The following ARL14 variants were observed in gnomAD, a reference collection of about 807,000 sequenced individuals.
ARL14 encodes ADP-ribosylation factor-like protein 14.
A neutral mutation model predicts 1.1 loss-of-function variants in ARL14; 3 were observed. That is an observed-to-expected ratio of 2.82 (90% CI 1.28 to 7.28). The LOEUF is 7.28. Among genes scored for constraint, ARL14 ranks in the 30% most tolerant of loss-of-function variants. The pLI, the probability that ARL14 is intolerant of heterozygous loss-of-function variation, is 0.01. For missense variants in ARL14, 264 were observed against 223.8 expected, an observed-to-expected ratio of 1.18 and a Z score of -1.15; for synonymous variants, 99 against 84.6, an observed-to-expected ratio of 1.17 and a Z score of -0.93.
rs76426610 is a variant in ARL14 at position 160,677,301 on chromosome 3, GAAAA to G, written c.-37_-34del. 1.3e-4 allele frequency: 152 copies of G among 1,178,908 alleles called. 1 individual carries two copies. The highest frequency in any genetic ancestry group is 2.2e-4 in the South Asian group (12 of 53,732). The allele number at this position is 1,178,908 out of a possible 1,614,324, so 73.0% of individuals were successfully genotyped here. A position where few individuals can be genotyped will look rare whatever the true frequency, so the allele number is the denominator to read the frequency against. ...CTGGCCATTCGAAGAAAGAAAGAAA[GAAAA>G]AAAAAAAAGGTATTTAGAGACAGAG... On this transcript the variant is annotated 5_prime_UTR_variant, in exon 1 of 1. An upstream open reading frame in the 5' UTR loses its in-frame stop. Transcript: ENST00000320767.
At position 160,677,947 on chromosome 3, in the gene ARL14, C is replaced by A. The variant is rs1404951540; in HGVS notation, c.*22C>A. 6.4e-7 allele frequency: 1 copy of A among 1,564,226 alleles called. No homozygotes were observed. The highest frequency in any genetic ancestry group is 1.9e-5 in the Admixed American group (1 of 52,092). ...CTGAGGCTGCGAAAAATCCAAGTCT[C>A]TACAGAGACACTGATGAAGTTGAAA... is the stretch of plus-strand genomic sequence containing the variant. On this transcript the variant is annotated 3_prime_UTR_variant, in exon 1 of 1. Transcript: ENST00000320767.
In ARL14 at chr3:160,677,571, G is replaced by A. The variant is rs750136438; in HGVS notation, c.225G>A (p.Trp75Ter). Residue 75 changes from tryptophan (W) to a stop codon, truncating the protein, a stop_gained, in exon 1 of 1, where the codon TGG (tryptophan) becomes TGA (stop). Coordinates refer to ENST00000320767, the MANE Select transcript of ARL14 (RefSeq NM_025047.3). LOFTEE classifies it low-confidence loss of function (END_TRUNC). The stretch of plus-strand genomic sequence containing the variant: ...GACAGGAAAAAATGAGAACTGTTTG[G>A]GGCTGTTACTGTGAGAACACCGATG... The part of the protein sequence containing the change: ...VGGQEKMRTV[W>*]GCYCENTDGL... 3.1e-6 allele frequency: 5 copies of A among 1,613,768 alleles called. No homozygotes were observed. Among genetic ancestry groups the A allele is most frequent in the South Asian group, 2.2e-5 (2 of 91,076 alleles).
Position 160,677,300 on chromosome 3 carries a change from A to AG in ARL14, c.-46dup. ...TCTGGCCATTCGAAGAAAGAAAGAA[A>AG]GAAAAAAAAAAAAGGTATTTAGAGA... is the stretch of plus-strand genomic sequence containing the variant. On this transcript the variant is annotated 5_prime_UTR_variant, in exon 1 of 1. It removes the in-frame stop codon of an upstream open reading frame in the 5' UTR. Transcript: ENST00000320767. The AG allele has an allele frequency of 7.0e-7, 1 of 1,428,224 alleles. No individual in the cohort carries two copies. The highest frequency in any genetic ancestry group is 9.4e-7 in the Non-Finnish European group (1 of 1,062,206). 88.5% of individuals were successfully genotyped at this position (1,428,224 alleles called of 1,614,324 possible).
Position 160,677,928 on chromosome 3 carries a change from C to CT in ARL14, c.*4dup, listed in dbSNP as rs757765013. ...TGGCGTTCTTCAAGCAGAACTGAGG[C>CT]TGCGAAAAATCCAAGTCTCTACAGA... On this transcript the variant is annotated 3_prime_UTR_variant, in exon 1 of 1. Transcript: ENST00000320767. 4.3e-4 allele frequency: 686 copies of CT among 1,595,298 alleles called. 1 individual carries two copies. The African/African-American group carries it at 7.2e-3, about 17-fold the overall frequency.
rs1713269790 is a variant in ARL14 at position 160,677,549 on chromosome 3, A to G, written c.203A>G (p.Gln68Arg). Residue 68 changes from glutamine (Q) to arginine (R), a missense_variant, in exon 1 of 1, where the codon CAG (glutamine) becomes CGG (arginine). Coordinates refer to ENST00000320767, the MANE Select transcript of ARL14 (RefSeq NM_025047.3). ...LSLTVWDVGG[Q>R]EKMRTVWGCY... ...CTCACAGTCTGGGATGTTGGAGGAC[A>G]GGAAAAAATGAGAACTGTTTGGGGC... is the stretch of plus-strand genomic sequence containing the variant. 1.9e-6 allele frequency: 3 copies of G among 1,614,104 alleles called. No individual in the cohort carries two copies. The East Asian group carries it at 6.7e-5, about 36-fold the overall frequency.
At position 160,677,328 on chromosome 3, in the gene ARL14, G is replaced by T; in HGVS notation, c.-19G>T. ...AAAAAAAAAAAGGTATTTAGAGACA[G>T]AGAGAGAAAAAGGCTGAAATGGGTT... On this transcript the variant is annotated 5_prime_UTR_variant, in exon 1 of 1. Transcript: ENST00000320767. 1 of 1,534,832 alleles carries T rather than the reference G, an allele frequency of 6.5e-7. No individual in the cohort carries two copies. Among genetic ancestry groups the T allele is most frequent in the Admixed American group, 2.2e-5 (1 of 46,132 alleles).
Position 160,677,962 on chromosome 3 carries a change from T to C in ARL14, c.*37T>C. The C allele has an allele frequency of 6.5e-7, 1 of 1,531,760 alleles. No individual in the cohort carries two copies. The highest frequency in any genetic ancestry group is 8.8e-7 in the Non-Finnish European group (1 of 1,134,204). 94.9% of individuals were successfully genotyped at this position (1,531,760 alleles called of 1,614,324 possible). A position where few individuals can be genotyped will look rare whatever the true frequency, so the allele number is the denominator to read the frequency against. The stretch of plus-strand genomic sequence containing the variant: ...ATCCAAGTCTCTACAGAGACACTGA[T>C]GAAGTTGAAAGGGTAATTGTTTTTC... On this transcript the variant is annotated 3_prime_UTR_variant, in exon 1 of 1. Transcript: ENST00000320767.
In ARL14 at chr3:160,677,945, C is replaced by T; in HGVS notation, c.*20C>T. ...AACTGAGGCTGCGAAAAATCCAAGT[C>T]TCTACAGAGACACTGATGAAGTTGA... On this transcript the variant is annotated 3_prime_UTR_variant, in exon 1 of 1. Coordinates refer to ENST00000320767, the MANE Select transcript of ARL14 (RefSeq NM_025047.3). The T allele has an allele frequency of 6.3e-7, 1 of 1,581,818 alleles. No homozygotes were observed. The highest frequency in any genetic ancestry group is 1.1e-5 in the South Asian group (1 of 87,614).
rs201287708 is a variant in ARL14 at position 160,677,962 on chromosome 3, T to A, written c.*37T>A. 1.4e-5 allele frequency: 21 copies of A among 1,531,760 alleles called. No individual in the cohort carries two copies. The East Asian group carries it at 4.8e-4, about 35-fold the overall frequency. 94.9% of individuals were successfully genotyped at this position (1,531,760 alleles called of 1,614,324 possible). ...ATCCAAGTCTCTACAGAGACACTGA[T>A]GAAGTTGAAAGGGTAATTGTTTTTC... is the stretch of plus-strand genomic sequence containing the variant. On this transcript the variant is annotated 3_prime_UTR_variant, in exon 1 of 1. Transcript: ENST00000320767.
rs777460465 is a variant in ARL14 at position 160,677,969 on chromosome 3, G to A, written c.*44G>A. On this transcript the variant is annotated 3_prime_UTR_variant, in exon 1 of 1. Coordinates refer to ENST00000320767, the MANE Select transcript of ARL14 (RefSeq NM_025047.3). ...TCTCTACAGAGACACTGATGAAGTTGAAAGGGTAATTGTTTTTCCATGCCA... is the reference window on the plus strand; with the variant it reads ...TCTCTACAGAGACACTGATGAAGTTAAAAGGGTAATTGTTTTTCCATGCCA... 98 of 1,507,946 alleles carry A rather than the reference G, an allele frequency of 6.5e-5. No homozygotes were observed. The highest frequency in any genetic ancestry group is 8.2e-5 in the Non-Finnish European group (92 of 1,118,792). The allele number at this position is 1,507,946 out of a possible 1,614,324, so 93.4% of individuals were successfully genotyped here.
chr3:160,677,302 A>G lies in ARL14; in HGVS notation c.-45A>G, dbSNP rs756294186. 44 of 848,010 alleles carry G rather than the reference A, an allele frequency of 5.2e-5. No individual in the cohort carries two copies. The Middle Eastern group carries it at 1.1e-3, about 21-fold the overall frequency. The allele number at this position is 848,010 out of a possible 1,614,324, so 52.5% of individuals were successfully genotyped here. ...TGGCCATTCGAAGAAAGAAAGAAAG[A>G]AAAAAAAAAAAGGTATTTAGAGACA... On this transcript the variant is annotated 5_prime_UTR_variant, in exon 1 of 1. Coordinates refer to ENST00000320767, the MANE Select transcript of ARL14 (RefSeq NM_025047.3).
At position 160,677,896 on chromosome 3, in the gene ARL14, G is replaced by C; in HGVS notation, c.550G>C (p.Asp184His). The change falls in exon 1 of 1, where the codon GAC becomes CAC. Residue 184 changes from aspartate (D) to histidine (H), a missense_variant. Asp to His is a moderately conservative substitution (Grantham distance 81). Coordinates refer to ENST00000320767, the MANE Select transcript of ARL14 (RefSeq NM_025047.3). ...FVKSHMKSRG[D>H]TLAFFKQN is the part of the protein sequence containing the mutation. Reference sequence around the variant, plus strand: ...GAAGAGCCACATGAAATCAAGAGGAGACACTTTGGCGTTCTTCAAGCAGAA... The same window carrying C: ...GAAGAGCCACATGAAATCAAGAGGACACACTTTGGCGTTCTTCAAGCAGAA... The C allele has an allele frequency of 6.2e-7, 1 of 1,613,004 alleles. No individual in the cohort carries two copies. The highest frequency in any genetic ancestry group is 8.5e-7 in the Non-Finnish European group (1 of 1,179,388).
chr3:160,677,546 G>A lies in ARL14; in HGVS notation c.200G>A (p.Gly67Glu), dbSNP rs1713269640. Residue 67 changes from glycine (G) to glutamate (E), a missense_variant, in exon 1 of 1, where the codon GGA (glycine) becomes GAA (glutamate). Transcript: ENST00000320767. ...TCACTCACAGTCTGGGATGTTGGAG[G>A]ACAGGAAAAAATGAGAACTGTTTGG... ...NLSLTVWDVGGQEKMRTVWGC... is the reference protein window; with the variant it reads ...NLSLTVWDVGEQEKMRTVWGC... The A allele has an allele frequency of 1.1e-5, 17 of 1,613,920 alleles. No homozygotes were observed. Among genetic ancestry groups the A allele is most frequent in the African/African-American group, 2.7e-5 (2 of 74,902 alleles).
At position 160,677,840 on chromosome 3, in the gene ARL14, C is replaced by T. The variant is rs1288374154; in HGVS notation, c.494C>T (p.Ala165Val). 8 of 1,613,808 alleles carry T rather than the reference C, an allele frequency of 5.0e-6. No individual in the cohort carries two copies. In the South Asian group the frequency reaches 7.7e-5, roughly 16 times the overall value. The change falls in exon 1 of 1, where the codon GCC becomes GTC. Residue 165 changes from alanine (A) to valine (V), a missense_variant. Ala to Val is a moderately conservative substitution (Grantham distance 64, BLOSUM62 0). Coordinates refer to ENST00000320767, the MANE Select transcript of ARL14 (RefSeq NM_025047.3). ...PCCALTGEGL[A>V]QGFRKLTGFV... is the part of the protein sequence containing the mutation. ...TGTGCCCTCACAGGGGAGGGGCTGG[C>T]CCAGGGGTTCAGGAAATTAACTGGA...
chr3:160,677,633 G>T lies in ARL14; in HGVS notation c.287G>T (p.Arg96Leu), dbSNP rs749857278. The T allele has an allele frequency of 6.2e-6, 10 of 1,614,118 alleles. No homozygotes were observed. Among genetic ancestry groups the T allele is most frequent in the Non-Finnish European group, 6.8e-6 (8 of 1,180,014 alleles). The change falls in exon 1 of 1, where the codon CGA (arginine) becomes CTA (leucine). Residue 96 changes from arginine to leucine, a missense_variant. Transcript: ENST00000320767. ...VYVVDSTDKQ[R>L]LEESQRQFEH... is the part of the protein sequence containing the mutation. Reference sequence around the variant, plus strand: ...GTTGTGGACAGTACAGACAAACAGCGACTGGAAGAGTCTCAGAGACAGTTT... The same window carrying T: ...GTTGTGGACAGTACAGACAAACAGCTACTGGAAGAGTCTCAGAGACAGTTT...
rs1713299110 is a variant in ARL14 at position 160,678,234 on chromosome 3, C to T, written c.*309C>T. 2.9e-5 allele frequency: 7 copies of T among 240,512 alleles called. No individual in the cohort carries two copies. 14.9% of individuals were successfully genotyped at this position (240,512 alleles called of 1,614,324 possible). On this transcript the variant is annotated 3_prime_UTR_variant, in exon 1 of 1. Coordinates refer to ENST00000320767, the MANE Select transcript of ARL14 (RefSeq NM_025047.3). Reference sequence around the variant, plus strand: ...GGACCAAATAAATTATTTTATATGACTACTAGAACAAAGTTTTAGTAAGCT... The same window carrying T: ...GGACCAAATAAATTATTTTATATGATTACTAGAACAAAGTTTTAGTAAGCT...
At position 160,677,553 on chromosome 3, in the gene ARL14, A is replaced by G. The variant is rs752387195; in HGVS notation, c.207A>G (p.Glu69=). The G allele has an allele frequency of 2.5e-6, 4 of 1,614,096 alleles. No homozygotes were observed. Among genetic ancestry groups the G allele is most frequent in the East Asian group, 2.2e-5 (1 of 44,874 alleles). ...SLTVWDVGGQ[E]KMRTVWGCYC... The stretch of plus-strand genomic sequence containing the variant: ...CAGTCTGGGATGTTGGAGGACAGGA[A>G]AAAATGAGAACTGTTTGGGGCTGTT... The change falls in exon 1 of 1, where the codon GAA becomes GAG. Residue 69 remains glutamate, a synonymous_variant. Coordinates refer to ENST00000320767, the MANE Select transcript of ARL14 (RefSeq NM_025047.3).
At position 160,677,298 on chromosome 3, in the gene ARL14, AAAG is replaced by A. The variant is rs1181969973; in HGVS notation, c.-46_-44del. On this transcript the variant is annotated 5_prime_UTR_variant, in exon 1 of 1. Transcript: ENST00000320767. ...TCTCTGGCCATTCGAAGAAAGAAAG[AAAG>A]AAAAAAAAAAAAGGTATTTAGAGAC... 6.1e-5 allele frequency: 90 copies of A among 1,470,242 alleles called. No individual in the cohort carries two copies. The highest frequency in any genetic ancestry group is 1.6e-4 in the South Asian group (11 of 68,698). 91.1% of individuals were successfully genotyped at this position (1,470,242 alleles called of 1,614,324 possible).
Position 160,677,871 on chromosome 3 carries a change from G to A in ARL14, c.525G>A (p.Val175=), listed in dbSNP as rs1455343363. Residue 175 remains valine, a synonymous_variant, in exon 1 of 1, where the codon GTG becomes GTA. Transcript: ENST00000320767. ...GGTTCAGGAAATTAACTGGATTTGT[G>A]AAGAGCCACATGAAATCAAGAGGAG... ...AQGFRKLTGF[V]KSHMKSRGDT... The A allele has an allele frequency of 1.2e-6, 2 of 1,613,810 alleles. No individual in the cohort carries two copies. Among genetic ancestry groups the A allele is most frequent in the Non-Finnish European group, 1.7e-6 (2 of 1,179,996 alleles).
Sources: allele counts gnomAD v4.1 joint callset, GRCh38; gene constraint gnomAD v4.1.1; transcripts MANE v1.5; gene names NCBI Gene and HGNC (gene_info 2026-07-23, HGNC 2026-07-21).